The following MIOS variants were observed in gnomAD, a reference collection of about 807,000 sequenced individuals.
The protein encoded by MIOS is meiosis regulator for oocyte development.
A neutral mutation model predicts 96.9 loss-of-function variants in MIOS; 52 were observed. That is an observed-to-expected ratio of 0.54 (90% CI 0.43 to 0.68). MIOS has a LOEUF of 0.68. Among genes scored for constraint, MIOS ranks in the 30% least tolerant of loss-of-function variants. MIOS has a pLI of 0.00. For synonymous variants in MIOS, 397 were observed against 359.5 expected, an observed-to-expected ratio of 1.10 and a Z score of -1.18; for missense variants, 1,005 against 1,052.8, an observed-to-expected ratio of 0.95 and a Z score of 0.63.
At chr7:7,591,065 C>T (rs932845645) in intron 9 of MIOS, among the ~76,000 whole-genome samples, 1 of 152,118 alleles carries the variant, frequency 6.6e-6, no homozygotes, top group Admixed American at 6.5e-5. Flanking sequence ...TATTTATTCA[C>T]TTATTTACCA....
At position 7,573,812 on chromosome 7, in the gene MIOS, A is replaced by T. The variant is rs752813379; in HGVS notation, c.1294+43A>T. On this transcript the variant is annotated intron_variant, in intron 4 of 12. Coordinates refer to ENST00000340080, the MANE Select transcript of MIOS (RefSeq NM_019005.4). The surrounding 1 kb of genome is among the most constrained non-coding windows in gnomAD (Gnocchi z 5.0). ...AATTTTGTGAGGTGAATCAGGTAGA[A>T]ATGTTCTTGAAGTTTGCCAAAAGGT... The T allele has an allele frequency of 4.6e-6, 7 of 1,516,916 alleles. No homozygotes were observed. Among genetic ancestry groups the T allele is most frequent in the Non-Finnish European group, 6.2e-6 (7 of 1,131,598 alleles). The allele number at this position is 1,516,916 out of a possible 1,614,324, so 94.0% of individuals were successfully genotyped here.
At chr7:7,597,460 T>G (rs1784236064) in intron 11 of MIOS, among the ~76,000 whole-genome samples, 1 of 97,818 alleles carries the variant, frequency 1.0e-5, no homozygotes, top group Non-Finnish European at 2.1e-5. Flanking sequence ...GTCAGTTACC[T>G]AGTAAATTTA....
intron 11 of MIOS, among the ~76,000 whole-genome samples, chr7:7,597,121 T>C (rs1784225115): frequency 6.6e-6 from 1 of 151,914 alleles, no homozygotes; most frequent in Admixed American, 6.6e-5. Context: ...GGTCAGAAGA[T>C]CAAGACCATC....
intron 12 of MIOS, 22 bp downstream of exon 12, chr7:7,606,093 T>C (rs746581118): frequency 1.2e-6 from 2 of 1,612,698 alleles, no homozygotes; most frequent in African/African-American, 2.7e-5. Flanking sequence ...ATTTCTTCTT[T>C]GATAGGCTTG....
In MIOS at chr7:7,585,972, G is replaced by A. The variant is rs576035088; in HGVS notation, c.1818+167G>A. On this transcript the variant is annotated intron_variant, in intron 7 of 12. Coordinates refer to ENST00000340080, the MANE Select transcript of MIOS (RefSeq NM_019005.4). ...TTTTTTTGAGCAGCTCTTCTTGAGT[G>A]TGATTCCCGTCCTAGAGTTAGTTAA... Among the ~76,000 whole-genome samples the A allele has an allele frequency of 6.0e-4, 91 of 151,958 alleles. 1 individual carries two copies. The highest frequency in any genetic ancestry group is 2.1e-3 in the African/African-American group (87 of 41,446).
At chr7:7,582,922 C>G (rs1783775819) in intron 5 of MIOS, 196 bp from the exon 6 acceptor site, 1 of 595,660 alleles carries the variant, frequency 1.7e-6, no homozygotes, top group Non-Finnish European at 2.6e-6. Context: ...TAGTTCTTTG[C>G]TAACTCAAGG....
Position 7,573,294 on chromosome 7 carries a change from A to G in MIOS, c.819A>G (p.Val273=), listed in dbSNP as rs1364181316. ...AGCAACCAAAACCCTTAACAAAAGT[A>G]GCATGGTGTCCCACTAGGACTGGTC... ...LTEQPKPLTK[V]AWCPTRTGLL... is the part of the protein sequence containing the mutation. Residue 273 remains valine (V), a synonymous_variant, in exon 4 of 13, where the codon GTA becomes GTG. Transcript: ENST00000340080. This position sits in a 1 kb window ranked among gnomAD's most constrained non-coding sequence, Gnocchi z 5.0. 1 of 1,614,124 alleles carries G rather than the reference A, an allele frequency of 6.2e-7. No individual in the cohort carries two copies.
chr7:7,603,854 C>T (rs190849262), intron 11 of MIOS, among the ~76,000 whole-genome samples: 31 of 151,934 alleles, frequency 2.0e-4, no homozygotes, highest in Non-Finnish European at 5.9e-5. Context: ...AAATGTGGCA[C>T]ATATACACCA....
chr7:7,585,530 T>G (rs1296219214), intron 6 of MIOS, 106 bp from the exon 7 acceptor site: 5 of 1,009,978 alleles, frequency 5.0e-6, no homozygotes, highest in Non-Finnish European at 1.4e-6. Flanking sequence ...AGCTCATTTT[T>G]CTGAGGGTAA....
chr7:7,595,265 C>G, intron 10 of MIOS, 133 bp downstream of exon 10: 1 of 922,118 alleles, frequency 1.1e-6, no homozygotes. Context: ...TGAACTTTGT[C>G]CTTGATCTTC....
rs769641758 is a variant in MIOS at position 7,566,904 on chromosome 7, C to G, written c.-389C>G. Reference sequence around the variant, plus strand: ...AACTCCCCTTCCAAGGCCGAGGCGCCGCTGCGCGTCCTCCAGGCGTGGTGG... The same window carrying G: ...AACTCCCCTTCCAAGGCCGAGGCGCGGCTGCGCGTCCTCCAGGCGTGGTGG... On this transcript the variant is annotated 5_prime_UTR_variant, in exon 1 of 13. Transcript: ENST00000340080. 3 of 152,178 alleles carry G rather than the reference C, an allele frequency of 2.0e-5. No individual in the cohort carries two copies. The highest frequency in any genetic ancestry group is 6.5e-5 in the Admixed American group (1 of 15,288). The allele number at this position is 152,178 out of a possible 1,614,324, so 9.4% of individuals were successfully genotyped here.
Position 7,573,089 on chromosome 7 carries a change from A to G in MIOS, c.614A>G (p.His205Arg), listed in dbSNP as rs779729690. 5 of 1,614,060 alleles carry G rather than the reference A, an allele frequency of 3.1e-6. No individual in the cohort carries two copies. Among genetic ancestry groups the G allele is most frequent in the Non-Finnish European group, 4.2e-6 (5 of 1,179,978 alleles). The change falls in exon 4 of 13, where the codon CAT (histidine) becomes CGT (arginine). Residue 205 changes from histidine to arginine, a missense_variant. Physicochemically the swap from His to Arg is conservative, Grantham distance 29 (BLOSUM62 0). Transcript: ENST00000340080. The surrounding 1 kb of genome is among the most constrained non-coding windows in gnomAD (Gnocchi z 5.0). Reference sequence around the variant, plus strand: ...CAGAAACTTCTCCTTGCTGGTATGCATCGTAACCTAGCTATATTTGATCTT... The same window carrying G: ...CAGAAACTTCTCCTTGCTGGTATGCGTCGTAACCTAGCTATATTTGATCTT... ...RDQKLLLAGMHRNLAIFDLRN... is the reference protein window; with the variant it reads ...RDQKLLLAGMRRNLAIFDLRN...
chr7:7,582,970 T>C (rs1783777566), intron 5 of MIOS, 148 bp from the exon 6 acceptor site: 1 of 892,446 alleles, frequency 1.1e-6, no homozygotes. Flanking sequence ...TATGTTGTAT[T>C]TGTGGCATAG....
chr7:7,584,954 G>A (rs1013002), intron 6 of MIOS, among the ~76,000 whole-genome samples: 145,833 of 152,242 alleles, frequency 0.96, 69,945 homozygotes, highest in East Asian at 1. Flanking sequence ...GGTAATTCTT[G>A]TAGTTCATTT....
intron 9 of MIOS, among the ~76,000 whole-genome samples, chr7:7,591,171 A>G (rs532334258): frequency 6.6e-6 from 1 of 150,506 alleles, no homozygotes; most frequent in Non-Finnish European, 1.5e-5. Flanking sequence ...TGTCTATTTC[A>G]CTCTTATTTT....
At position 7,573,339 on chromosome 7, in the gene MIOS, G is replaced by A. The variant is rs372901269; in HGVS notation, c.864G>A (p.Arg288=). The A allele has an allele frequency of 4.2e-4, 685 of 1,614,042 alleles. 2 individuals carry two copies. The highest frequency in any genetic ancestry group is 3.6e-4 in the Non-Finnish European group (428 of 1,179,964). Residue 288 remains arginine (R), a synonymous_variant, in exon 4 of 13, where the codon AGG becomes AGA. Transcript: ENST00000340080. This position sits in a 1 kb window ranked among gnomAD's most constrained non-coding sequence, Gnocchi z 5.0. ...CTGGTCTACTTGCCACTTTAACAAG[G>A]GATAGTAATATTATTAGATTGTATG... ...TRTGLLATLT[R]DSNIIRLYDM...
chr7:7,593,968 A>G (rs1390003522), intron 9 of MIOS, among the ~76,000 whole-genome samples: 1 of 152,220 alleles, frequency 6.6e-6, no homozygotes, highest in South Asian at 2.1e-4. Flanking sequence ...TGCCAGGGAA[A>G]ATACAACTTT....
chr7:7,593,897 A>AAAAAAAAAG (rs1563036584), intron 9 of MIOS, among the ~76,000 whole-genome samples: 1 of 92,924 alleles, frequency 1.1e-5, no homozygotes, highest in African/African-American at 4.5e-5. Flanking sequence ...AAAAAAAAAG[A>AAAAAAAAAG]AAAAGAAAAG....
Position 7,597,037 on chromosome 7 carries a change from A to AT in MIOS, c.2401+583dup, listed in dbSNP as rs561388565. Among the ~76,000 whole-genome samples the AT allele has an allele frequency of 9.7e-4, 148 of 152,126 alleles. 2 individuals carry two copies. The highest frequency in any genetic ancestry group is 3.5e-3 in the African/African-American group (147 of 41,520). Reference sequence around the variant, plus strand: ...TAGTGAGACCCCATCTCTATAAAAAATTTTTTTGGCCGGACATGGTGGCTC... The same window carrying AT: ...TAGTGAGACCCCATCTCTATAAAAAATTTTTTTTGGCCGGACATGGTGGCTC... On this transcript the variant is annotated intron_variant, in intron 11 of 12. Transcript: ENST00000340080.
Sources: allele counts gnomAD v4.1 joint callset (sites outside exome capture counted in the v4.1 genomes callset), GRCh38; gene constraint gnomAD v4.1.1; non-coding constraint Gnocchi (gnomAD v3.1); transcripts MANE v1.5; gene names NCBI Gene and HGNC (gene_info 2026-07-23, HGNC 2026-07-21).